Variants in CCDC158 observed in about 807,000 individuals in gnomAD.
CCDC158 encodes coiled-coil domain-containing protein 158.
A neutral mutation model predicts 138.6 loss-of-function variants in CCDC158; 116 were observed. The observed-to-expected ratio is 0.84, with a 90% CI of 0.72 to 0.98. CCDC158 has a LOEUF of 0.98. Ranked by LOEUF, CCDC158 falls within the 50% of genes least tolerant of loss-of-function variation. CCDC158 has a pLI of 0.00. For missense variants in CCDC158, 1,265 were observed against 1,306.1 expected, an observed-to-expected ratio of 0.97 and a Z score of 0.48; for synonymous variants, 436 against 442.4, an observed-to-expected ratio of 0.99 and a Z score of 0.18.
At chr4:76,381,864 G>C (rs1372992908) in intron 8 of CCDC158, among the ~76,000 whole-genome samples, 1 of 152,002 alleles carries the variant, frequency 6.6e-6, no homozygotes, top group Non-Finnish European at 1.5e-5. Context: ...TGTATTTTTA[G>C]TGGAGACAGG....
chr4:76,420,095 A>G (rs1729991973), intron 1 of CCDC158, among the ~76,000 whole-genome samples: 1 of 151,882 alleles, frequency 6.6e-6, no homozygotes, highest in Admixed American at 6.6e-5. Flanking sequence ...CAAGTAAGAT[A>G]ACCGCACTAA....
At chr4:76,381,819 C>T (rs1480960180) in intron 8 of CCDC158, among the ~76,000 whole-genome samples, 1 of 152,052 alleles carries the variant, frequency 6.6e-6, no homozygotes, top group African/African-American at 2.4e-5. Context: ...GTAGCTGGGA[C>T]TACAGGTGCC....
chr4:76,333,540 T>A (rs1721190640), intron 19 of CCDC158, among the ~76,000 whole-genome samples: 1 of 152,224 alleles, frequency 6.6e-6, no homozygotes, highest in African/African-American at 2.4e-5. Flanking sequence ...GTCATTGGCA[T>A]GAATACAGAG....
rs962375717 is a variant in CCDC158 at position 76,316,880 on chromosome 4, C to A, written c.3278-3634G>T. Among the ~76,000 whole-genome samples the A allele has an allele frequency of 4.3e-4, 27 of 63,400 alleles. No individual in the cohort carries two copies. In the East Asian group the frequency reaches 0.011, roughly 26 times the overall value. 41.6% of individuals were successfully genotyped at this position (63,400 alleles called of 152,430 possible). A position where few individuals can be genotyped will look rare whatever the true frequency, so the allele number is the denominator to read the frequency against. On this transcript the variant is annotated intron_variant, in intron 24 of 24. Coordinates refer to ENST00000682701, the MANE Select transcript of CCDC158 (RefSeq NM_001394954.1). Reference sequence around the variant, plus strand: ...AAAACTAAGCTTCATGAATGAAGGACAGATAAAGTCTTTTGCAGACAAAAA... The same window carrying A: ...AAAACTAAGCTTCATGAATGAAGGAAAGATAAAGTCTTTTGCAGACAAAAA...
intron 1 of CCDC158, among the ~76,000 whole-genome samples, chr4:76,413,406 T>C (rs1389073657): frequency 1.3e-5 from 2 of 149,396 alleles, no homozygotes; most frequent in African/African-American, 2.5e-5. Context: ...GCCCAGGAGG[T>C]TGAGGCTGCA....
intron 18 of CCDC158, among the ~76,000 whole-genome samples, chr4:76,348,720 T>C (rs1372840266): frequency 1.3e-5 from 2 of 152,184 alleles, no homozygotes; most frequent in Non-Finnish European, 2.9e-5. Flanking sequence ...ATGGGTTTAA[T>C]AGATTAGACT....
At position 76,351,009 on chromosome 4, in the gene CCDC158, C is replaced by G. The variant is rs1221077043; in HGVS notation, c.2651G>C (p.Ser884Thr). Residue 884 changes from serine to threonine, a missense_variant, in exon 18 of 25, where the codon AGC (serine) becomes ACC (threonine). Transcript: ENST00000682701. ...CTGGTTACTTACATGAGACAGGAAG[C>G]TGGCTGTAGACTGCGAAGATGGTAC... ...SNVPSSQSTASFLSHHSTKAN... is the reference protein window; with the variant it reads ...SNVPSSQSTATFLSHHSTKAN... The G allele has an allele frequency of 4.3e-6, 7 of 1,613,358 alleles. No homozygotes were observed. Among genetic ancestry groups the G allele is most frequent in the Non-Finnish European group, 4.2e-6 (5 of 1,179,650 alleles).
In CCDC158 at chr4:76,373,283, C is replaced by T. The variant is rs186480788; in HGVS notation, c.1030-1747G>A. 2.0e-3 allele frequency among the ~76,000 whole-genome samples: 306 copies of T among 152,316 alleles called. 1 individual carries two copies. Among genetic ancestry groups the T allele is most frequent in the African/African-American group, 6.6e-3 (276 of 41,564 alleles). Reference sequence around the variant, plus strand: ...TAATAAGATATTAAAACAATGAGAACGTGTTGATACTTAGTTATATGGTGA... The same window carrying T: ...TAATAAGATATTAAAACAATGAGAATGTGTTGATACTTAGTTATATGGTGA... On this transcript the variant is annotated intron_variant, in intron 9 of 24. Transcript: ENST00000682701.
intron 18 of CCDC158, among the ~76,000 whole-genome samples, chr4:76,345,834 C>T (rs954327163): frequency 1.3e-5 from 2 of 152,064 alleles, no homozygotes; most frequent in African/African-American, 4.8e-5. Flanking sequence ...TTGGTAGATT[C>T]AATGATATCC....
intron 15 of CCDC158, among the ~76,000 whole-genome samples, chr4:76,354,233 CAAAAA>C (rs749565764): frequency 3.1e-5 from 2 of 63,926 alleles, no homozygotes; most frequent in Non-Finnish European, 5.8e-5. Flanking sequence ...TTCCCAAAGG[CAAAAA>C]AAAAAAAAAA....
At chr4:76,413,599 G>C (rs540852157) in intron 1 of CCDC158, among the ~76,000 whole-genome samples, 1 of 152,156 alleles carries the variant, frequency 6.6e-6, no homozygotes, top group South Asian at 2.1e-4. Context: ...CTAAAGACTA[G>C]AGCACCCTGA....
chr4:76,382,720 C>A lies in CCDC158; in HGVS notation c.804G>T (p.Arg268Ser), dbSNP rs761910070. 6.3e-7 allele frequency: 1 copy of A among 1,590,152 alleles called. No homozygotes were observed. The highest frequency in any genetic ancestry group is 8.6e-7 in the Non-Finnish European group (1 of 1,160,490). ...CATGTTCACTTATTAACTGCTCAAT[C>A]CTATAAAAAGAATGTGGTGATTGTC... ...IELLLQQHQD[R>S]IEQLISEHEV... is the part of the protein sequence containing the mutation. The change falls in exon 8 of 25, where the codon AGG becomes AGT. Residue 268 changes from arginine to serine, a missense_variant and splice_region_variant. Arg to Ser is a moderately radical substitution (Grantham distance 110). Coordinates refer to ENST00000682701, the MANE Select transcript of CCDC158 (RefSeq NM_001394954.1).
At chr4:76,324,800 A>G (rs1720374847) in intron 23 of CCDC158, among the ~76,000 whole-genome samples, 1 of 152,020 alleles carries the variant, frequency 6.6e-6, no homozygotes, top group Non-Finnish European at 1.5e-5. Flanking sequence ...CCCTTAAGCA[A>G]TTGTCCTGTT....
intron 21 of CCDC158, 117 bp from the exon 22 acceptor site, chr4:76,329,084 T>A: frequency 1.3e-6 from 1 of 783,350 alleles, no homozygotes; most frequent in Non-Finnish European, 2.2e-6. Flanking sequence ...AACCTCAAGA[T>A]GGCAATCATA....
chr4:76,407,109 T>C (rs543730144), intron 2 of CCDC158: 2 of 152,284 alleles, frequency 1.3e-5, no homozygotes, highest in Non-Finnish European at 1.5e-5. Flanking sequence ...TGTAACACGC[T>C]GCTTATCATT....
intron 20 of CCDC158, among the ~76,000 whole-genome samples, chr4:76,332,097 G>A (rs1260772818): frequency 6.6e-6 from 1 of 152,050 alleles, no homozygotes; most frequent in Non-Finnish European, 1.5e-5. Flanking sequence ...GTTTCCTTCT[G>A]AATCATCCTT....
chr4:76,387,189 GAGCAA>G (rs1726878512), intron 4 of CCDC158, among the ~76,000 whole-genome samples: 1 of 152,096 alleles, frequency 6.6e-6, no homozygotes, highest in South Asian at 2.1e-4. Context: ...GACGAGGGGA[GAGCAA>G]AGCGTAAAAA....
chr4:76,391,821 A>G (rs1317950290), intron 4 of CCDC158, among the ~76,000 whole-genome samples: 1 of 143,352 alleles, frequency 7.0e-6, no homozygotes. Flanking sequence ...AATCAGAGAC[A>G]AAAAAAGGAT....
At chr4:76,352,907 A>G (rs1648563003) in intron 16 of CCDC158, 3 of 411,990 alleles carry the variant, frequency 7.3e-6, no homozygotes, top group African/African-American at 2.1e-5. Context: ...AGCCTGAAAA[A>G]GAAAATTTGG....
Sources: allele counts gnomAD v4.1 joint callset (sites outside exome capture counted in the v4.1 genomes callset), GRCh38; gene constraint gnomAD v4.1.1; transcripts MANE v1.5; gene names NCBI Gene and HGNC (gene_info 2026-07-23, HGNC 2026-07-21).